LNPEP: variants seen among roughly 807,000 people sequenced by gnomAD.
LNPEP encodes the protein leucyl-cystinyl aminopeptidase.
In LNPEP, 64 loss-of-function variants were observed where a neutral mutation model predicts 120.6. The observed-to-expected ratio is 0.53, with a 90% CI of 0.43 to 0.65. The LOEUF is 0.65. Among genes scored for constraint, LNPEP ranks in the 30% least tolerant of loss-of-function variants. The probability of loss-of-function intolerance (pLI) is 0.00; values close to 1 mark genes in which losing one functional copy is unlikely to be tolerated. For missense variants in LNPEP, 1,057 were observed against 1,200.0 expected, an observed-to-expected ratio of 0.88 and a Z score of 1.76; for synonymous variants, 435 against 425.4, an observed-to-expected ratio of 1.02 and a Z score of -0.28.
chr5:96,945,976 T>G (rs183380050), intron 1 of LNPEP, among the ~76,000 whole-genome samples: 1 of 152,188 alleles, frequency 6.6e-6, no homozygotes, highest in Non-Finnish European at 1.5e-5. Context: ...ACAGAAAGAA[T>G]GTAATACATG....
At chr5:96,939,238 C>T (rs1448239787) in intron 1 of LNPEP, among the ~76,000 whole-genome samples, 1 of 141,588 alleles carries the variant, frequency 7.1e-6, no homozygotes, top group Non-Finnish European at 1.5e-5. Flanking sequence ...TTTTGAGACA[C>T]AGTCTCACTC....
intron 4 of LNPEP, among the ~76,000 whole-genome samples, chr5:96,991,506 C>T (rs1014962363): frequency 6.6e-6 from 1 of 152,058 alleles, no homozygotes; most frequent in Non-Finnish European, 1.5e-5. Flanking sequence ...CCATTTTTAC[C>T]AGGAGTAAGG....
At chr5:97,022,576 A>G (rs1791231104) in intron 14 of LNPEP, 92 bp downstream of exon 14, 2 of 1,060,368 alleles carry the variant, frequency 1.9e-6, no homozygotes, top group Admixed American at 4.2e-5. Flanking sequence ...TGGATCATAA[A>G]TGTTATAAAA....
rs755543415 is a variant in LNPEP at position 96,985,143 on chromosome 5, A to G, written c.924A>G (p.Glu308=). ...GATCTGCTTTTCCTTGTTTTGATGA[A>G]CCAGCATTTAAAGCCACTTTTATCA... is the stretch of plus-strand genomic sequence containing the variant. ...AARSAFPCFD[E]PAFKATFIIK... The change falls in exon 3 of 18, where the codon GAA becomes GAG. Residue 308 remains glutamate, a synonymous_variant. Coordinates refer to ENST00000231368, the MANE Select transcript of LNPEP (RefSeq NM_005575.3). 1 of 1,613,950 alleles carries G rather than the reference A, an allele frequency of 6.2e-7. No homozygotes were observed. Among genetic ancestry groups the G allele is most frequent in the South Asian group, 1.1e-5 (1 of 91,076 alleles).
chr5:97,006,254 C>A (rs201490450), intron 10 of LNPEP, 21 bp downstream of exon 10: 1,790 of 1,577,984 alleles, frequency 1.1e-3, no homozygotes, highest in Middle Eastern at 2.7e-3. Flanking sequence ...TCTTTCTTTT[C>A]ATGCCATCTC....
intron 13 of LNPEP, among the ~76,000 whole-genome samples, chr5:97,018,755 C>T (rs1436986278): frequency 2.0e-5 from 3 of 152,146 alleles, no homozygotes; most frequent in Admixed American, 6.5e-5. Context: ...TTCTAATTAA[C>T]TTCTATATCA....
Position 97,032,159 on chromosome 5 carries a change from T to C in LNPEP, c.*3626T>C, listed in dbSNP as rs1791482349. 6.6e-6 allele frequency: 1 copy of C among 152,242 alleles called. No individual in the cohort carries two copies. The highest frequency in any genetic ancestry group is 2.4e-5 in the African/African-American group (1 of 41,472). 9.4% of individuals were successfully genotyped at this position (152,242 alleles called of 1,614,324 possible). On this transcript the variant is annotated 3_prime_UTR_variant, in exon 18 of 18. Coordinates refer to ENST00000231368, the MANE Select transcript of LNPEP (RefSeq NM_005575.3). ...TAGGCCTCTCTAAAAACTGAGGCCA[T>C]GGATATGACATAGCTTTTCTTCTCA...
chr5:96,943,390 G>A (rs1260170854), intron 1 of LNPEP, among the ~76,000 whole-genome samples: 1 of 152,140 alleles, frequency 6.6e-6, no homozygotes, highest in East Asian at 1.9e-4. Flanking sequence ...AGGCTCAAGC[G>A]ATTCTCCTGC....
chr5:97,010,901 T>G, intron 11 of LNPEP: 1 of 985,344 alleles, frequency 1.0e-6, no homozygotes, highest in Non-Finnish European at 1.2e-6. Context: ...TCAGAAGAAC[T>G]GAAAGAGACT....
At chr5:97,022,798 C>A (rs1306686168) in intron 14 of LNPEP, among the ~76,000 whole-genome samples, 1 of 113,904 alleles carries the variant, frequency 8.8e-6, no homozygotes, top group Non-Finnish European at 1.7e-5. Context: ...TCCCCCCACC[C>A]CACAACAGTC....
In LNPEP at chr5:97,013,490, C is replaced by A. The variant is rs559883855; in HGVS notation, c.2036-158C>A. 2.0e-5 allele frequency among the ~76,000 whole-genome samples: 3 copies of A among 152,240 alleles called. No homozygotes were observed. In the South Asian group the frequency reaches 6.2e-4, roughly 32 times the overall value. ...ATAATTGTTAAATGAATGTCTTGAC[C>A]TTCACTAACGTGAAAATAACTGTAC... On this transcript the variant is annotated intron_variant, in intron 11 of 17. Coordinates refer to ENST00000231368, the MANE Select transcript of LNPEP (RefSeq NM_005575.3).
intron 1 of LNPEP, among the ~76,000 whole-genome samples, chr5:96,942,683 T>C (rs1454552648): frequency 8.0e-6 from 1 of 125,080 alleles, no homozygotes; most frequent in Non-Finnish European, 1.6e-5. Context: ...ACGAGAACAC[T>C]TGGACACAGG....
At chr5:96,944,121 T>C (rs1379313677) in intron 1 of LNPEP, among the ~76,000 whole-genome samples, 1 of 152,202 alleles carries the variant, frequency 6.6e-6, no homozygotes, top group East Asian at 1.9e-4. Context: ...TGTCATTCAG[T>C]GCCATAGAGA....
chr5:96,994,454 G>A (rs1454759213), intron 6 of LNPEP, among the ~76,000 whole-genome samples: 1 of 135,350 alleles, frequency 7.4e-6, no homozygotes, highest in Admixed American at 8.2e-5. Context: ...AACTGTAGCT[G>A]TCAGGGCTGG....
chr5:96,941,484 A>AT (rs1217472592), intron 1 of LNPEP, among the ~76,000 whole-genome samples: 1 of 152,036 alleles, frequency 6.6e-6, no homozygotes, highest in Non-Finnish European at 1.5e-5. Flanking sequence ...ATTTATTATT[A>AT]TTTTTTTAAT....
rs1440750717 is a variant in LNPEP at position 96,993,105 on chromosome 5, T to C, written c.1222T>C (p.Phe408Leu). 1 of 1,599,584 alleles carries C rather than the reference T, an allele frequency of 6.3e-7. No individual in the cohort carries two copies. The highest frequency in any genetic ancestry group is 8.5e-7 in the Non-Finnish European group (1 of 1,170,548). Reference protein sequence around the residue: ...VKLLEFFQNYFEIQYPLKKLD... With the variant: ...VKLLEFFQNYLEIQYPLKKLD... ...GCTTCTTGAGTTTTTTCAAAACTACTTTGAAATTCAGTACCCACTTAAGAA... is the reference window on the plus strand; with the variant it reads ...GCTTCTTGAGTTTTTTCAAAACTACCTTGAAATTCAGTACCCACTTAAGAA... Residue 408 changes from phenylalanine (F) to leucine (L), a missense_variant, in exon 5 of 18, where the codon TTT becomes CTT. Physicochemically the swap from Phe to Leu is conservative, Grantham distance 22 (BLOSUM62 0). Transcript: ENST00000231368.
intron 1 of LNPEP, among the ~76,000 whole-genome samples, chr5:96,971,873 C>T (rs745321029): frequency 2.0e-4 from 30 of 151,998 alleles, no homozygotes; most frequent in Non-Finnish European, 1.9e-4. Flanking sequence ...AATAATAAAA[C>T]ACGTCTTCTT....
Position 97,027,808 on chromosome 5 carries a change from A to G in LNPEP, c.2940A>G (p.Leu980=), listed in dbSNP as rs751723809. 1.9e-5 allele frequency: 31 copies of G among 1,597,922 alleles called. No homozygotes were observed. The highest frequency in any genetic ancestry group is 3.3e-4 in the Middle Eastern group (2 of 6,052). The change falls in exon 17 of 18, where the codon TTA becomes TTG. Residue 980 remains leucine, a synonymous_variant. Transcript: ENST00000231368. ...STYLFSTKTH[L]SEVQAFFENQ... is the part of the protein sequence containing the mutation. ...ACCTGTTTTCAACAAAGACACATTT[A>G]TCTGAGGTTGGTTTTATAAAATGAT...
chr5:97,009,604 T>G (rs917134722), intron 11 of LNPEP, among the ~76,000 whole-genome samples: 1 of 152,226 alleles, frequency 6.6e-6, no homozygotes, highest in African/African-American at 2.4e-5. Context: ...ATAATTGATT[T>G]AATCTAGAGC....
Sources: gnomAD v4.1 joint callset for allele counts (sites outside exome capture counted in the v4.1 genomes callset) on GRCh38, gnomAD v4.1.1 for gene constraint, MANE v1.5 for transcripts, NCBI Gene and HGNC (gene_info 2026-07-23, HGNC 2026-07-21) for gene names.